ACOT13: variants seen among roughly 807,000 people sequenced by gnomAD.
ACOT13 encodes acyl-coenzyme A thioesterase 13.
ACOT13 carries 10 observed loss-of-function variants against 11.8 expected under a neutral mutation model. That is an observed-to-expected ratio of 0.85 (90% CI 0.53 to 1.44). The LOEUF (loss-of-function observed/expected upper bound fraction) is 1.44. Ranked by LOEUF, ACOT13 falls within the 40% of genes most tolerant of loss-of-function variation. The pLI, the probability that ACOT13 is intolerant of heterozygous loss-of-function variation, is 0.00. For synonymous variants in ACOT13, 53 were observed against 61.0 expected, an observed-to-expected ratio of 0.87 and a Z score of 0.61; for missense variants, 172 against 174.1, an observed-to-expected ratio of 0.99 and a Z score of 0.07.
intron 1 of ACOT13, among the ~76,000 whole-genome samples, chr6:24,693,828 A>T (rs1231381986): frequency 2.7e-5 from 4 of 149,972 alleles, no homozygotes; most frequent in Non-Finnish European, 5.9e-5. Flanking sequence ...GGCTCAAGGG[A>T]TTCTCCTGCC....
Position 24,667,364 on chromosome 6 carries a change from G to A in ACOT13, c.81+20G>A. ...GGAAAGGTATGGGAAAGGTAGGGGA[G>A]AAGCCGTGGCTTCTAATGAAGGAAA... is the stretch of plus-strand genomic sequence containing the variant. On this transcript the variant is annotated intron_variant, in intron 1 of 2. Coordinates refer to ENST00000230048, the MANE Select transcript of ACOT13 (RefSeq NM_018473.4). 1 of 1,612,002 alleles carries A rather than the reference G, an allele frequency of 6.2e-7. No individual in the cohort carries two copies.
intron 1 of ACOT13, among the ~76,000 whole-genome samples, chr6:24,695,808 T>A (rs1778786721): frequency 6.6e-6 from 1 of 152,196 alleles, no homozygotes; most frequent in South Asian, 2.1e-4. Context: ...GGCTCACGAC[T>A]CTAATCCCAG....
intron 1 of ACOT13, among the ~76,000 whole-genome samples, chr6:24,686,447 G>T (rs1421733668): frequency 1.3e-5 from 2 of 152,150 alleles, no homozygotes. Context: ...CTTGCTTCTG[G>T]TGAGGGCTCA....
intron 1 of ACOT13, among the ~76,000 whole-genome samples, chr6:24,695,858 G>A (rs1778787262): frequency 6.6e-6 from 1 of 152,170 alleles, no homozygotes; most frequent in African/African-American, 2.4e-5. Context: ...CCTGAGGTCA[G>A]GAGTTCGAGA....
At chr6:24,697,196 T>C (rs6904345) in intron 1 of ACOT13, among the ~76,000 whole-genome samples, 45,872 of 152,252 alleles carry the variant, frequency 0.3, 7,288 homozygotes, top group Middle Eastern at 0.41. Context: ...CTGGATTTTA[T>C]TGTTACATTT....
chr6:24,688,201 A>C (rs1194278087), intron 1 of ACOT13, among the ~76,000 whole-genome samples: 2 of 151,846 alleles, frequency 1.3e-5, no homozygotes, highest in African/African-American at 2.4e-5. Flanking sequence ...TTTTTCAAAG[A>C]TCTATGCACA....
Position 24,703,772 on chromosome 6 carries a change from C to T in ACOT13, c.*2157C>T, listed in dbSNP as rs1031777581. On this transcript the variant is annotated 3_prime_UTR_variant, in exon 3 of 3. Transcript: ENST00000230048. Reference sequence around the variant, plus strand: ...CCCAGAGATTGCTAGTAGTAAGTACCACACATAGGGCAAAACCAGGACACC... The same window carrying T: ...CCCAGAGATTGCTAGTAGTAAGTACTACACATAGGGCAAAACCAGGACACC... The T allele has an allele frequency of 2.6e-5, 4 of 152,164 alleles. No individual in the cohort carries two copies. Among genetic ancestry groups the T allele is most frequent in the African/African-American group, 9.7e-5 (4 of 41,440 alleles). 9.4% of individuals were successfully genotyped at this position (152,164 alleles called of 1,614,324 possible). A position where few individuals can be genotyped will look rare whatever the true frequency, so the allele number is the denominator to read the frequency against.
At chr6:24,679,898 T>C (rs1202567834) in intron 1 of ACOT13, among the ~76,000 whole-genome samples, 1 of 152,238 alleles carries the variant, frequency 6.6e-6, no homozygotes, top group Non-Finnish European at 1.5e-5. Context: ...GCTTTAAGTC[T>C]GAGAGAGAAA....
chr6:24,701,557 A>G lies in ACOT13; in HGVS notation c.365A>G (p.Asn122Ser), dbSNP rs765688007. ...TLAFTSVDLT[N>S]KATGKLIAQG... ...GCATTTACCTCTGTGGATCTGACCA[A>G]CAAGGCCACAGGAAAATTAATAGCA... is the stretch of plus-strand genomic sequence containing the variant. Residue 122 changes from asparagine to serine, a missense_variant, in exon 3 of 3, where the codon AAC becomes AGC. Physicochemically the swap from Asn to Ser is conservative, Grantham distance 46. Transcript: ENST00000230048. 7 of 1,613,978 alleles carry G rather than the reference A, an allele frequency of 4.3e-6. No homozygotes were observed. The highest frequency in any genetic ancestry group is 4.2e-6 in the Non-Finnish European group (5 of 1,179,874).
At chr6:24,676,136 A>G (rs936231309) in intron 1 of ACOT13, among the ~76,000 whole-genome samples, 1 of 152,178 alleles carries the variant, frequency 6.6e-6, no homozygotes, top group Admixed American at 6.5e-5. Flanking sequence ...GCCTTGTAGT[A>G]TAGTTTGAAG....
intron 1 of ACOT13, among the ~76,000 whole-genome samples, chr6:24,668,076 T>TA (rs1340211638): frequency 1.9e-4 from 29 of 150,798 alleles, no homozygotes; most frequent in Admixed American, 1.7e-3. Flanking sequence ...GCCCAGCTAA[T>TA]ATTGTACTTT....
At position 24,697,966 on chromosome 6, in the gene ACOT13, C is replaced by T; in HGVS notation, c.165C>T (p.Leu55=). The change falls in exon 2 of 3, where the codon CTC becomes CTT. Residue 55 remains leucine, a synonymous_variant. Transcript: ENST00000230048. ...AGCATACCAATGCAATAGGCACTCT[C>T]CACGGCGGTTTGACAGCCACGTTAG... ...EEEHTNAIGT[L]HGGLTATLVD... 1 of 1,613,970 alleles carries T rather than the reference C, an allele frequency of 6.2e-7. No homozygotes were observed. Among genetic ancestry groups the T allele is most frequent in the Non-Finnish European group, 8.5e-7 (1 of 1,179,940 alleles).
chr6:24,675,939 A>G (rs1778446921), intron 1 of ACOT13, among the ~76,000 whole-genome samples: 1 of 152,250 alleles, frequency 6.6e-6, no homozygotes. Context: ...AGCTTTCTAC[A>G]TATGGCTAAC....
chr6:24,693,938 G>T (rs1778756366), intron 1 of ACOT13, among the ~76,000 whole-genome samples: 1 of 152,058 alleles, frequency 6.6e-6, no homozygotes, highest in Admixed American at 6.6e-5. Flanking sequence ...TGGCCAGGCT[G>T]GTCTTGAACT....
At chr6:24,682,185 A>G (rs191301607) in intron 1 of ACOT13, among the ~76,000 whole-genome samples, 1 of 152,358 alleles carries the variant, frequency 6.6e-6, no homozygotes, top group East Asian at 1.9e-4. Flanking sequence ...ACTGGCTGAC[A>G]GGTGCCCAGT....
chr6:24,700,751 A>G (rs1778878901), intron 2 of ACOT13, among the ~76,000 whole-genome samples: 1 of 152,040 alleles, frequency 6.6e-6, no homozygotes, highest in African/African-American at 2.4e-5. Flanking sequence ...CACCTTTCTT[A>G]TACCTCCTAG....
At chr6:24,694,171 T>C (rs747498124) in intron 1 of ACOT13, among the ~76,000 whole-genome samples, 26 of 152,318 alleles carry the variant, frequency 1.7e-4, no homozygotes, top group Non-Finnish European at 2.8e-4. Flanking sequence ...CCATAAAAGT[T>C]CTTGCCAACC....
intron 1 of ACOT13, among the ~76,000 whole-genome samples, chr6:24,688,755 A>G (rs1885210): frequency 0.77 from 116,559 of 152,100 alleles, 45,402 homozygotes; most frequent in African/African-American, 0.9. Context: ...AAACATCTAC[A>G]TAGCACTATG....
intron 1 of ACOT13, among the ~76,000 whole-genome samples, chr6:24,686,036 A>T (rs1018202379): frequency 6.6e-6 from 1 of 150,818 alleles, no homozygotes; most frequent in South Asian, 2.1e-4. Context: ...ATCTCAATTT[A>T]AAAAAAGGAA....
Sources: gnomAD v4.1 joint callset for allele counts (sites outside exome capture counted in the v4.1 genomes callset) on GRCh38, gnomAD v4.1.1 for gene constraint, MANE v1.5 for transcripts, NCBI Gene and HGNC (gene_info 2026-07-23, HGNC 2026-07-21) for gene names.